CLCN5: variants seen among roughly 807,000 people sequenced by gnomAD.
CLCN5 encodes the protein H(+)/Cl(-) exchange transporter 5.
CLCN5 carries 17 observed loss-of-function variants against 54.0 expected under a neutral mutation model. That is an observed-to-expected ratio of 0.31 (90% CI 0.22 to 0.47). The LOEUF (loss-of-function observed/expected upper bound fraction) is 0.47, where lower values mean the gene tolerates loss of function less well. Ranked by LOEUF, CLCN5 falls within the 20% of genes least tolerant of loss-of-function variation. CLCN5 has a pLI of 1.00. For missense variants in CLCN5, 448 were observed against 646.7 expected (o/e 0.69, Z 3.33); for synonymous variants, 222 against 233.0 (o/e 0.95, Z 0.43).
intron 3 of CLCN5, among the ~76,000 whole-genome samples, chrX:49,980,811 G>C: frequency 9.0e-6 from 1 of 111,288 alleles, no homozygotes; most frequent in Middle Eastern, 4.6e-3. Context: ...ATTTTCTAGT[G>C]TTCCTTTCTT....
chrX:50,064,697 C>T (rs1343521282), intron 4 of CLCN5, among the ~76,000 whole-genome samples: 64 of 90,669 alleles, frequency 7.1e-4, no homozygotes, highest in South Asian at 1.2e-3. Flanking sequence ...GAGCCCGCAT[C>T]GCCAAGTCAA....
chrX:50,006,126 G>A (rs1198956441), intron 3 of CLCN5, among the ~76,000 whole-genome samples: 2 of 112,003 alleles, frequency 1.8e-5, no homozygotes, highest in East Asian at 2.8e-4. Context: ...AAATAATTCA[G>A]TTGAGAGATG....
intron 3 of CLCN5, among the ~76,000 whole-genome samples, chrX:49,985,773 T>C (rs782798451): frequency 8.9e-6 from 1 of 111,796 alleles, no homozygotes; most frequent in Admixed American, 9.5e-5. Context: ...GGAGTAACCA[T>C]TTAATTAATT....
intron 3 of CLCN5, among the ~76,000 whole-genome samples, chrX:49,951,260 A>G (rs969782896): frequency 8.9e-6 from 1 of 112,069 alleles, no homozygotes; most frequent in Non-Finnish European, 1.9e-5. Context: ...TCTCATCCTT[A>G]TATCATGTAC....
chrX:50,083,879 A>G (rs1557193544), intron 9 of CLCN5, among the ~76,000 whole-genome samples: 1 of 112,060 alleles, frequency 8.9e-6, no homozygotes, highest in Non-Finnish European at 1.9e-5. Context: ...ATGAAGGTGA[A>G]TTTGAAACTA....
At chrX:49,974,960 G>A (rs781981576) in intron 3 of CLCN5, among the ~76,000 whole-genome samples, 14 of 111,861 alleles carry the variant, frequency 1.3e-4, no homozygotes, top group African/African-American at 4.5e-4. Flanking sequence ...TATTTCATTG[G>A]CTTCTTTATA....
chrX:49,941,008 G>C (rs1368431344), intron 3 of CLCN5, among the ~76,000 whole-genome samples: 1 of 111,863 alleles, frequency 8.9e-6, no homozygotes, highest in Non-Finnish European at 1.9e-5. Context: ...GATTAAATGA[G>C]ATAATCCATG....
At position 49,977,796 on chromosome X, in the gene CLCN5, G is replaced by A. The variant is rs894694187; in HGVS notation, c.16+52482G>A. Among the ~76,000 whole-genome samples the A allele has an allele frequency of 8.1e-5, 9 of 111,649 alleles. No homozygotes were observed. In the Admixed American group the frequency reaches 8.5e-4, roughly 11 times the overall value. On this transcript the variant is annotated intron_variant, in intron 3 of 14. Transcript: ENST00000376091. ...CAGAAGCCCAGGCTGTACACAGGCC[G>A]ATTTTAGAGTTGTAGAGCAGGTGGT...
chrX:49,994,803 A>G (rs917584055), intron 3 of CLCN5, among the ~76,000 whole-genome samples: 1 of 111,874 alleles, frequency 8.9e-6, no homozygotes, highest in East Asian at 2.8e-4. Context: ...CACAGCAGTT[A>G]AACACGATTG....
At chrX:49,992,525 GGAA>G (rs1557179133) in intron 3 of CLCN5, among the ~76,000 whole-genome samples, 1 of 111,504 alleles carries the variant, frequency 9.0e-6, no homozygotes, top group African/African-American at 3.3e-5. Context: ...GGAATAAAAA[GGAA>G]GAAGAGAAGA....
intron 3 of CLCN5, among the ~76,000 whole-genome samples, chrX:49,954,352 T>A (rs552356550): frequency 9.3e-6 from 1 of 107,666 alleles, no homozygotes; most frequent in South Asian, 3.9e-4. Flanking sequence ...ATTTTAAGAT[T>A]TTTTTTTTTT....
intron 9 of CLCN5, among the ~76,000 whole-genome samples, chrX:50,082,184 T>C (rs1933727525): frequency 8.9e-6 from 1 of 112,266 alleles, no homozygotes; most frequent in Non-Finnish European, 1.9e-5. Flanking sequence ...GAATTCTGGC[T>C]ATGAAACACC....
In CLCN5 at chrX:50,092,613, T is replaced by G. The variant is rs930612657; in HGVS notation, c.*394T>G. On this transcript the variant is annotated 3_prime_UTR_variant, in exon 15 of 15. Transcript: ENST00000376091. ...GGAAACCGACGAAAAAGTCACTCTT[T>G]TGGGATCTAACTGTTGTTACTGGAA... The G allele has an allele frequency of 1.4e-5, 2 of 147,153 alleles. No individual in the cohort carries two copies. The highest frequency in any genetic ancestry group is 1.5e-4 in the Admixed American group (2 of 13,165). 12.1% of individuals were successfully genotyped at this position (147,153 alleles called of 1,213,427 possible). A position where few individuals can be genotyped will look rare whatever the true frequency, so the allele number is the denominator to read the frequency against.
intron 4 of CLCN5, among the ~76,000 whole-genome samples, chrX:50,044,570 G>A (rs181046604): frequency 5.4e-5 from 6 of 111,665 alleles, no homozygotes; most frequent in Non-Finnish European, 1.1e-4. Flanking sequence ...GTCAGTGAAG[G>A]GTGGTGGGAT....
rs1929007526 is a variant in CLCN5 at position 49,986,665 on chromosome X, C to T, written c.17-55651C>T. 3.6e-5 allele frequency among the ~76,000 whole-genome samples: 4 copies of T among 111,383 alleles called. No homozygotes were observed. The Admixed American group carries it at 3.8e-4, about 11-fold the overall frequency. On this transcript the variant is annotated intron_variant, in intron 3 of 14. Coordinates refer to ENST00000376091, the MANE Select transcript of CLCN5 (RefSeq NM_001127898.4). ...CCTTTGTATGTATGGCTTAATTTTC[C>T]ATCATTTCTCATTTTTAATATACAA...
intron 4 of CLCN5, among the ~76,000 whole-genome samples, chrX:50,058,983 T>C (rs1247020402): frequency 8.9e-6 from 1 of 112,000 alleles, no homozygotes; most frequent in Non-Finnish European, 1.9e-5. Flanking sequence ...AAAAGCCTTT[T>C]GCATTTTGTT....
rs1557192920 is a variant in CLCN5 at position 50,080,576 on chromosome X, T to C, written c.604-18T>C. 8.3e-7 allele frequency: 1 copy of C among 1,203,908 alleles called. No individual in the cohort carries two copies. The highest frequency in any genetic ancestry group is 1.8e-5 in the South Asian group (1 of 56,358). The stretch of plus-strand genomic sequence containing the variant: ...AGCTGTCTAGGCTAAAACAAGCTTC[T>C]TTTTCCCCCTGTTCCAGGGAGCCTT... On this transcript the variant is annotated intron_variant, in intron 7 of 14. Transcript: ENST00000376091.
intron 3 of CLCN5, among the ~76,000 whole-genome samples, chrX:49,982,770 T>C (rs1009329757): frequency 1.8e-5 from 2 of 112,177 alleles, no homozygotes; most frequent in Non-Finnish European, 3.8e-5. Flanking sequence ...CCTTTGTTTC[T>C]GTTTGTGTGT....
chrX:50,044,693 G>C (rs59792370), intron 4 of CLCN5, among the ~76,000 whole-genome samples: 12,433 of 111,024 alleles, frequency 0.11, 1,719 homozygotes, highest in African/African-American at 0.39. Context: ...ATGTTACAAA[G>C]TACATTCACA....
Sources: gnomAD v4.1 joint callset for allele counts (sites outside exome capture counted in the v4.1 genomes callset) on GRCh38, gnomAD v4.1.1 for gene constraint, MANE v1.5 for transcripts, NCBI Gene and HGNC (gene_info 2026-07-23, HGNC 2026-07-21) for gene names.